PTPRD: variants seen among roughly 807,000 people sequenced by gnomAD.
The protein encoded by PTPRD is protein tyrosine phosphatase receptor type D, also known as receptor-type tyrosine-protein phosphatase delta.
A neutral mutation model predicts 214.5 loss-of-function variants in PTPRD; 34 were observed. The observed-to-expected ratio is 0.16, with a 90% CI of 0.12 to 0.21. The LOEUF (loss-of-function observed/expected upper bound fraction) is 0.21, where lower values mean the gene tolerates loss of function less well. Ranked by LOEUF, PTPRD falls within the 10% of genes least tolerant of loss-of-function variation. The pLI, the probability that PTPRD is intolerant of heterozygous loss-of-function variation, is 1.00. For missense variants in PTPRD, 2,545 were observed against 2,398.7 expected, an observed-to-expected ratio of 1.06 and a Z score of -1.27; for synonymous variants, 1,128 against 845.7, an observed-to-expected ratio of 1.33 and a Z score of -5.79.
intron 3 of PTPRD, among the ~76,000 whole-genome samples, chr9:10,080,231 G>C (rs2098213127): frequency 6.6e-6 from 1 of 152,124 alleles, no homozygotes; most frequent in Non-Finnish European, 1.5e-5. Flanking sequence ...GTAGCACAGA[G>C]TAGCAAAACA....
intron 8 of PTPRD, among the ~76,000 whole-genome samples, chr9:9,423,107 T>C (rs1308671060): frequency 6.6e-6 from 1 of 152,170 alleles, no homozygotes; most frequent in Non-Finnish European, 1.5e-5. Flanking sequence ...ATTCTGATTC[T>C]ACTCCATCTG....
intron 3 of PTPRD, among the ~76,000 whole-genome samples, chr9:10,131,858 C>A (rs564342773): frequency 3.9e-5 from 6 of 152,186 alleles, no homozygotes; most frequent in African/African-American, 1.4e-4. Flanking sequence ...ATTTTCCCAT[C>A]GCTTTGTGAC....
intron 9 of PTPRD, among the ~76,000 whole-genome samples, chr9:9,306,292 A>G (rs1370863220): frequency 2.0e-5 from 3 of 151,108 alleles, no homozygotes; most frequent in Admixed American, 1.3e-4. Context: ...GGCTGGGCGC[A>G]GTGGCTCACA....
chr9:8,687,503 A>G (rs2097705433), intron 12 of PTPRD, among the ~76,000 whole-genome samples: 1 of 152,212 alleles, frequency 6.6e-6, no homozygotes, highest in Non-Finnish European at 1.5e-5. Flanking sequence ...TGCACTTGAT[A>G]TGCTCCTCCT....
intron 8 of PTPRD, among the ~76,000 whole-genome samples, chr9:9,475,387 C>G (rs1252247816): frequency 6.6e-6 from 1 of 152,142 alleles, no homozygotes; most frequent in African/African-American, 2.4e-5. Context: ...ATGGCACTAA[C>G]AGCTGTTATG....
intron 33 of PTPRD, among the ~76,000 whole-genome samples, chr9:8,451,573 G>A (rs2095952975): frequency 2.6e-5 from 4 of 152,152 alleles, no homozygotes; most frequent in South Asian, 2.1e-4. Context: ...ATGGGTCTTC[G>A]CCTCACCACA....
chr9:9,965,325 T>C (rs1273341250), intron 4 of PTPRD, among the ~76,000 whole-genome samples: 1 of 152,090 alleles, frequency 6.6e-6, no homozygotes, highest in African/African-American at 2.4e-5. Context: ...AGAAACAATA[T>C]GTGAGTTGGG....
At chr9:10,014,266 G>T (rs1009426039) in intron 4 of PTPRD, among the ~76,000 whole-genome samples, 1 of 152,024 alleles carries the variant, frequency 6.6e-6, no homozygotes, top group African/African-American at 2.4e-5. Context: ...CTAAGACTCA[G>T]TGAGGCTAAG....
In PTPRD at chr9:9,663,003, A is replaced by T. The variant is rs552620567; in HGVS notation, c.-287+71530T>A. Among the ~76,000 whole-genome samples, 4 of 151,750 alleles carry T rather than the reference A, an allele frequency of 2.6e-5. No individual in the cohort carries two copies. In the South Asian group the frequency reaches 8.3e-4, roughly 31 times the overall value. ...CTTTATGCATAAGTTTATTTAAATA[A>T]TATTTTGAACATAAACTGACATTAT... On this transcript the variant is annotated intron_variant, in intron 7 of 45. Transcript: ENST00000381196.
chr9:10,180,656 A>T (rs1310383448), intron 3 of PTPRD, among the ~76,000 whole-genome samples: 1 of 151,078 alleles, frequency 6.6e-6, no homozygotes, highest in Non-Finnish European at 1.5e-5. Flanking sequence ...AACTATACTT[A>T]AAAATACTAA....
rs1372087072 is a variant in PTPRD at position 8,465,649 on chromosome 9, G to T, written c.3531C>A (p.Arg1177=). The part of the protein sequence containing the change: ...DELLKEISRK[R]RSIRYGREVE... ...CTTCTCTCCCATAACGGATGCTTCT[G>T]CGCTTCCTAGATATCTCCTTAAGCA... The change falls in exon 32 of 46, where the codon CGC becomes CGA. Residue 1177 remains arginine (R), a synonymous_variant. Coordinates refer to ENST00000381196, the MANE Select transcript of PTPRD (RefSeq NM_002839.4). 1 of 1,611,858 alleles carries T rather than the reference G, an allele frequency of 6.2e-7. No homozygotes were observed. Among genetic ancestry groups the T allele is most frequent in the South Asian group, 1.1e-5 (1 of 90,964 alleles).
rs148915244 is a variant in PTPRD at position 8,804,137 on chromosome 9, G to A, written c.-103-70191C>T. Among the ~76,000 whole-genome samples the A allele has an allele frequency of 4.9e-3, 744 of 152,128 alleles. 6 individuals are homozygous for A. Among genetic ancestry groups the A allele is most frequent in the Middle Eastern group, 0.021 (6 of 292 alleles). On this transcript the variant is annotated intron_variant, in intron 11 of 45. Coordinates refer to ENST00000381196, the MANE Select transcript of PTPRD (RefSeq NM_002839.4). ...CTCACTAATTTTTGTATTTTTAGTA[G>A]AGACAGGGTTTCGCTATGTTGGTCC...
At chr9:8,902,134 A>T (rs79108058) in intron 11 of PTPRD, among the ~76,000 whole-genome samples, 2 of 118,822 alleles carry the variant, frequency 1.7e-5, no homozygotes, top group East Asian at 2.6e-4. Flanking sequence ...TATTGACATA[A>T]TATTAATCTC....
intron 9 of PTPRD, among the ~76,000 whole-genome samples, chr9:9,314,369 T>C (rs1478265773): frequency 2.0e-5 from 3 of 152,122 alleles, no homozygotes; most frequent in Non-Finnish European, 4.4e-5. Context: ...AGGTAGTATA[T>C]AAAAAATTCA....
intron 3 of PTPRD, among the ~76,000 whole-genome samples, chr9:10,324,618 C>T (rs997108151): frequency 3.3e-5 from 5 of 152,012 alleles, no homozygotes; most frequent in African/African-American, 7.2e-5. Flanking sequence ...GCTTCATATG[C>T]GTTCCAAGAT....
At chr9:9,704,173 T>C (rs2097553287) in intron 7 of PTPRD, among the ~76,000 whole-genome samples, 1 of 152,214 alleles carries the variant, frequency 6.6e-6, no homozygotes, top group Admixed American at 6.5e-5. Flanking sequence ...GTGGGTCTCC[T>C]TCAAACTCAA....
chr9:8,400,649 G>C (rs746236118), intron 36 of PTPRD, among the ~76,000 whole-genome samples: 4 of 152,198 alleles, frequency 2.6e-5, no homozygotes, highest in East Asian at 3.9e-4. Flanking sequence ...AAAGTGTTAT[G>C]AGTGATGTGG....
At chr9:9,362,990 G>T (rs866708384) in intron 9 of PTPRD, among the ~76,000 whole-genome samples, 4 of 151,156 alleles carry the variant, frequency 2.6e-5, no homozygotes, top group African/African-American at 4.8e-5. Context: ...CTAATTAACA[G>T]GAGGCAGCTC....
chr9:8,708,717 G>C (rs1180297171), intron 12 of PTPRD, among the ~76,000 whole-genome samples: 1 of 144,064 alleles, frequency 6.9e-6, no homozygotes, highest in African/African-American at 2.5e-5. Flanking sequence ...GAGCTACCAT[G>C]TGATCCAGCA....
Sources: gnomAD v4.1 joint callset for allele counts (sites outside exome capture counted in the v4.1 genomes callset) on GRCh38, gnomAD v4.1.1 for gene constraint, MANE v1.5 for transcripts, NCBI Gene and HGNC (gene_info 2026-07-23, HGNC 2026-07-21) for gene names.